Variants in BACH2 observed in about 807,000 individuals in gnomAD.
BACH2 encodes the protein transcription regulator protein BACH2.
Under a neutral mutation model 61.8 loss-of-function variants are expected in BACH2, and 5 were observed. That is an observed-to-expected ratio of 0.08 (90% CI 0.04 to 0.17). The LOEUF is 0.17. BACH2 is among the 10% of genes least tolerant of loss of function. The pLI is 1.00. For missense variants in BACH2, 824 were observed against 1,091.1 expected (o/e 0.76, Z 3.45); for synonymous variants, 446 against 440.1 (o/e 1.01, Z -0.17).
At chr6:90,256,876 A>C (rs1770996908) in intron 2 of BACH2, among the ~76,000 whole-genome samples, 1 of 152,000 alleles carries the variant, frequency 6.6e-6, no homozygotes, top group East Asian at 1.9e-4. Context: ...ACATCTCTCC[A>C]TTTCCTGCCC....
chr6:90,075,142 C>T (rs1485619305), intron 5 of BACH2, among the ~76,000 whole-genome samples: 2 of 152,050 alleles, frequency 1.3e-5, no homozygotes, highest in East Asian at 1.9e-4. Flanking sequence ...ATGTCATGGA[C>T]GAAAAGAACA....
intron 1 of BACH2, among the ~76,000 whole-genome samples, chr6:90,294,244 T>C (rs1772266209): frequency 1.3e-5 from 2 of 152,182 alleles, no homozygotes; most frequent in South Asian, 4.1e-4. Context: ...ACTCAACACA[T>C]TCATGATTAC....
chr6:90,065,091 G>A (rs571685359), intron 5 of BACH2, among the ~76,000 whole-genome samples: 2 of 150,548 alleles, frequency 1.3e-5, no homozygotes, highest in African/African-American at 4.9e-5. Flanking sequence ...TTTTACCAAA[G>A]GCATAACAGA....
At chr6:90,100,639 T>C (rs886097668) in intron 4 of BACH2, among the ~76,000 whole-genome samples, 3 of 151,798 alleles carry the variant, frequency 2.0e-5, no homozygotes, top group African/African-American at 7.3e-5. Context: ...TCCTCAATCA[T>C]GTAAGCCAAT....
At chr6:90,239,113 T>A (rs1325853615) in intron 3 of BACH2, among the ~76,000 whole-genome samples, 1 of 152,224 alleles carries the variant, frequency 6.6e-6, no homozygotes, top group African/African-American at 2.4e-5. Flanking sequence ...CAATCAATGC[T>A]AAAATGATAC....
chr6:89,952,702 A>G (rs771279198), intron 6 of BACH2, among the ~76,000 whole-genome samples: 1 of 152,212 alleles, frequency 6.6e-6, no homozygotes, highest in Admixed American at 6.5e-5. Flanking sequence ...TCAGGGGCTA[A>G]GCCTACTGTC....
intron 4 of BACH2, chr6:90,117,240 G>C (rs964473020): frequency 1.9e-5 from 3 of 156,936 alleles, no homozygotes; most frequent in Admixed American, 6.5e-5. Context: ...GTAGGACGCT[G>C]CTCCCTCTAC....
chr6:89,972,188 C>T (rs570170139), intron 6 of BACH2, among the ~76,000 whole-genome samples: 7 of 152,124 alleles, frequency 4.6e-5, no homozygotes, highest in Admixed American at 1.3e-4. Flanking sequence ...CCGTGTCCGC[C>T]GCCGAGGCTG....
At chr6:90,096,798 C>T (rs1270038826) in intron 4 of BACH2, among the ~76,000 whole-genome samples, 1 of 152,308 alleles carries the variant, frequency 6.6e-6, no homozygotes, top group East Asian at 1.9e-4. Flanking sequence ...CTGACATAGC[C>T]TCTTCTTCCC....
chr6:90,043,537 C>T (rs1263595848), intron 5 of BACH2, among the ~76,000 whole-genome samples: 1 of 151,728 alleles, frequency 6.6e-6, no homozygotes, highest in Admixed American at 6.6e-5. Flanking sequence ...TCCTCCCTCA[C>T]TCCCTTTCTT....
intron 4 of BACH2, among the ~76,000 whole-genome samples, chr6:90,134,990 GC>G (rs1784222890): frequency 6.6e-6 from 1 of 152,158 alleles, no homozygotes; most frequent in Non-Finnish European, 1.5e-5. Context: ...CTTAGCAGTG[GC>G]CCTGAGATTT....
At chr6:90,036,818 A>C (rs952946319) in intron 5 of BACH2, among the ~76,000 whole-genome samples, 2 of 152,282 alleles carry the variant, frequency 1.3e-5, no homozygotes, top group Admixed American at 6.5e-5. Context: ...AAATCTTATC[A>C]ATCTATAGAC....
intron 5 of BACH2, among the ~76,000 whole-genome samples, chr6:90,086,641 G>A (rs973264419): frequency 1.3e-5 from 2 of 152,158 alleles, no homozygotes; most frequent in Admixed American, 1.3e-4. Context: ...GGAGCCTGAA[G>A]CCATGATTCA....
At chr6:90,115,937 T>C (rs1409801417) in intron 4 of BACH2, among the ~76,000 whole-genome samples, 1 of 152,112 alleles carries the variant, frequency 6.6e-6, no homozygotes, top group Admixed American at 6.6e-5. Context: ...TCACTGATTA[T>C]AGAAATGCAA....
chr6:90,107,204 T>A (rs1340483171), intron 4 of BACH2, among the ~76,000 whole-genome samples: 1 of 152,018 alleles, frequency 6.6e-6, no homozygotes, highest in African/African-American at 2.4e-5. Flanking sequence ...AAACCCCGTC[T>A]CTACTAAAAA....
intron 4 of BACH2, among the ~76,000 whole-genome samples, chr6:90,103,198 T>G (rs1782754016): frequency 6.6e-6 from 1 of 151,344 alleles, no homozygotes. Flanking sequence ...ATATCACACT[T>G]TGATTGATTT....
intron 3 of BACH2, among the ~76,000 whole-genome samples, chr6:90,231,164 C>A (rs1253242019): frequency 1.3e-5 from 2 of 152,074 alleles, no homozygotes; most frequent in African/African-American, 4.8e-5. Context: ...TGTTCAGTTC[C>A]AATTTTATAA....
Position 89,932,371 on chromosome 6 carries a change from G to T in BACH2, c.*37C>A. ...CAGGCTGACTGAAGAACGCCTGGAT[G>T]GGAGAGGTGTGCGGACTGGGAGGCA... is the stretch of plus-strand genomic sequence containing the variant. On this transcript the variant is annotated 3_prime_UTR_variant, in exon 9 of 9. Coordinates refer to ENST00000257749, the MANE Select transcript of BACH2 (RefSeq NM_021813.4). The T allele has an allele frequency of 6.3e-7, 1 of 1,591,382 alleles. No homozygotes were observed. The highest frequency in any genetic ancestry group is 1.1e-5 in the South Asian group (1 of 88,930).
At chr6:90,223,625 C>A (rs893838518) in intron 3 of BACH2, among the ~76,000 whole-genome samples, 5 of 151,908 alleles carry the variant, frequency 3.3e-5, no homozygotes, top group African/African-American at 1.2e-4. Context: ...CACACCACTA[C>A]ACCCAGCTAA....
Sources: allele counts gnomAD v4.1 joint callset (sites outside exome capture counted in the v4.1 genomes callset), GRCh38; gene constraint gnomAD v4.1.1; transcripts MANE v1.5; gene names NCBI Gene and HGNC (gene_info 2026-07-23, HGNC 2026-07-21).